TUBGCP4: variants seen among roughly 807,000 people sequenced by gnomAD.
The protein encoded by TUBGCP4 is gamma-tubulin complex component 4.
TUBGCP4 carries 54 observed loss-of-function variants against 91.6 expected under a neutral mutation model. That is an observed-to-expected ratio of 0.59 (90% confidence interval 0.47 to 0.74). The LOEUF (loss-of-function observed/expected upper bound fraction) is 0.74. TUBGCP4 is among the 30% of genes least tolerant of loss of function. TUBGCP4 has a pLI of 0.00. For synonymous variants in TUBGCP4, 297 were observed against 302.8 expected (o/e 0.98, Z 0.20); for missense variants, 593 against 800.9 (o/e 0.74, Z 3.13).
At chr15:43,376,267 G>A (rs2044203844) in intron 2 of TUBGCP4, 41 bp downstream of exon 2, 1 of 1,610,346 alleles carries the variant, frequency 6.2e-7, no homozygotes, top group Non-Finnish European at 8.5e-7. Flanking sequence ...CTAGAGGGCA[G>A]GAGCTATGTC....
In TUBGCP4 at chr15:43,376,230, G is replaced by A; in HGVS notation, c.207+4G>A. On this transcript the variant is annotated splice_donor_region_variant and intron_variant, in intron 2 of 17. Transcript: ENST00000564079. ...CACGGGCCATGTGCAACAGCAGGTG[G>A]GTCCTGTTCTCTGTGGGTGTACACC... is the stretch of plus-strand genomic sequence containing the variant. The A allele has an allele frequency of 1.5e-5, 24 of 1,613,800 alleles. No individual in the cohort carries two copies. The highest frequency in any genetic ancestry group is 2.0e-5 in the Non-Finnish European group (24 of 1,179,760).
chr15:43,392,111 CACACACACAT>C (rs765328973), intron 9 of TUBGCP4, among the ~76,000 whole-genome samples: 1 of 148,946 alleles, frequency 6.7e-6, no homozygotes, highest in East Asian at 1.9e-4. Context: ...CACACACACA[CACACACACAT>C]ATTTTTTTTT....
rs891315318 is a variant in TUBGCP4, at chr15:43,405,242, C to T, written c.*28C>T. On this transcript the variant is annotated 3_prime_UTR_variant, in exon 18 of 18. Coordinates refer to ENST00000564079, the MANE Select transcript of TUBGCP4 (RefSeq NM_014444.5). ...ATTTCTGGCTCATAAATTGAAATAACAGCCACGTTCCCAAGGTTGTAACAG... is the reference window on the plus strand; with the variant it reads ...ATTTCTGGCTCATAAATTGAAATAATAGCCACGTTCCCAAGGTTGTAACAG... The T allele has an allele frequency of 4.3e-6, 7 of 1,613,258 alleles. No individual in the cohort carries two copies. The highest frequency in any genetic ancestry group is 2.2e-5 in the East Asian group (1 of 44,884).
rs570897636 is a variant in TUBGCP4, at chr15:43,376,952, A to G, written c.331-62A>G. On this transcript the variant is annotated intron_variant, in intron 3 of 17. Transcript: ENST00000564079. ...ATCATGAGATTCTCTTCTCATTTTCATAGATCAAATAGATTTGAGATATTT... is the reference window on the plus strand; with the variant it reads ...ATCATGAGATTCTCTTCTCATTTTCGTAGATCAAATAGATTTGAGATATTT... The G allele has an allele frequency of 1.7e-5, 23 of 1,363,762 alleles. 1 individual carries two copies. The highest frequency in any genetic ancestry group is 2.4e-5 in the Non-Finnish European group (23 of 953,922). The allele number at this position is 1,363,762 out of a possible 1,614,324, so 84.5% of individuals were successfully genotyped here. A position where few individuals can be genotyped will look rare whatever the true frequency, so the allele number is the denominator to read the frequency against.
chr15:43,398,378 C>T lies in TUBGCP4; in HGVS notation c.1418+199C>T. 2 of 371,802 alleles carry T rather than the reference C, an allele frequency of 5.4e-6. 1 individual carries two copies. Among genetic ancestry groups the T allele is most frequent in the South Asian group, 1.8e-4 (2 of 10,850 alleles). The allele number at this position is 371,802 out of a possible 1,614,324, so 23.0% of individuals were successfully genotyped here. ...CTGGGCAACATAGTAAGACCCCCAT[C>T]TCATAAAAAAAAAAAAAAAAATTAA... On this transcript the variant is annotated intron_variant, in intron 13 of 17. Coordinates refer to ENST00000564079, the MANE Select transcript of TUBGCP4 (RefSeq NM_014444.5).
In TUBGCP4 at chr15:43,398,221, TTACTTG is replaced by T. The variant is rs543067077; in HGVS notation, c.1418+45_1418+50del. 2.5e-4 allele frequency: 397 copies of T among 1,589,054 alleles called. 2 individuals carry two copies. The African/African-American group carries it at 5.1e-3, about 20-fold the overall frequency. ...TTCTCACAGGTAAATATGACCCACCTTACTTGTAAGGGAAGAAACTAGCAGGAACAG... is the reference window on the plus strand; with the variant it reads ...TTCTCACAGGTAAATATGACCCACCTTAAGGGAAGAAACTAGCAGGAACAG... On this transcript the variant is annotated intron_variant, in intron 13 of 17. Coordinates refer to ENST00000564079, the MANE Select transcript of TUBGCP4 (RefSeq NM_014444.5).
intron 6 of TUBGCP4, among the ~76,000 whole-genome samples, chr15:43,382,749 A>G (rs1326836019): frequency 2.0e-5 from 3 of 152,130 alleles, no homozygotes; most frequent in Non-Finnish European, 4.4e-5. Flanking sequence ...CCCCTTTTTA[A>G]TTAATATGCT....
At position 43,406,515 on chromosome 15, in the gene TUBGCP4, T is replaced by C; in HGVS notation, c.*1301T>C. Reference sequence around the variant, plus strand: ...TGTTTACTCATTGTCTATGGTTGCTTTCATGCCCTCACAGCAAAGGCGAGT... The same window carrying C: ...TGTTTACTCATTGTCTATGGTTGCTCTCATGCCCTCACAGCAAAGGCGAGT... On this transcript the variant is annotated 3_prime_UTR_variant, in exon 18 of 18. Transcript: ENST00000564079. 1 of 449,368 alleles carries C rather than the reference T, an allele frequency of 2.2e-6. No homozygotes were observed. Among genetic ancestry groups the C allele is most frequent in the East Asian group, 7.0e-5 (1 of 14,362 alleles). The allele number at this position is 449,368 out of a possible 1,614,324, so 27.8% of individuals were successfully genotyped here.
At chr15:43,403,838 C>G (rs748586950) in intron 16 of TUBGCP4, 39 bp downstream of exon 16, 5 of 1,508,604 alleles carry the variant, frequency 3.3e-6, no homozygotes, top group Non-Finnish European at 4.6e-6. Context: ...GCCGAAAGGA[C>G]AGAGGTGGTT....
At chr15:43,395,253 G>A (rs930473316) in intron 10 of TUBGCP4, 96 bp downstream of exon 10, 2 of 1,339,444 alleles carry the variant, frequency 1.5e-6, no homozygotes, top group African/African-American at 2.9e-5. Context: ...CCTATACCCA[G>A]ACTTCCAGAG....
At chr15:43,401,381 T>C (rs1464319883) in intron 14 of TUBGCP4, among the ~76,000 whole-genome samples, 1 of 150,040 alleles carries the variant, frequency 6.7e-6, no homozygotes, top group Non-Finnish European at 1.5e-5. Flanking sequence ...AACCCTGGTA[T>C]GTGGAAGTTG....
chr15:43,386,725 C>CAAAAAAAA (rs10718458), intron 9 of TUBGCP4, among the ~76,000 whole-genome samples: 3 of 67,016 alleles, frequency 4.5e-5, no homozygotes, highest in Non-Finnish European at 8.7e-5. Flanking sequence ...ACTCTGTCTC[C>CAAAAAAAA]AAAAAAAAAA....
intron 5 of TUBGCP4, among the ~76,000 whole-genome samples, chr15:43,378,409 CTG>C (rs1424871670): frequency 6.6e-6 from 1 of 152,152 alleles, no homozygotes; most frequent in African/African-American, 2.4e-5. Context: ...GTTAATAAGT[CTG>C]AGGAATAAAT....
chr15:43,405,024 T>G, intron 17 of TUBGCP4, 178 bp from the exon 18 acceptor site: 3 of 650,486 alleles, frequency 4.6e-6, no homozygotes. Context: ...CATTGTCCTT[T>G]CTCTCTAAAA....
At position 43,409,759 on chromosome 15, in the gene TUBGCP4, A is replaced by G; in HGVS notation, c.*4545A>G. ...CAAAAATTCTATATTAAAAAAAAAA[A>G]CCAAGATAATAATTACTGAGTGGTT... On this transcript the variant is annotated 3_prime_UTR_variant, in exon 18 of 18. Coordinates refer to ENST00000564079, the MANE Select transcript of TUBGCP4 (RefSeq NM_014444.5). 8.6e-7 allele frequency: 1 copy of G among 1,167,852 alleles called. No homozygotes were observed. Among genetic ancestry groups the G allele is most frequent in the Admixed American group, 2.4e-5 (1 of 42,180 alleles). The allele number at this position is 1,167,852 out of a possible 1,614,324, so 72.3% of individuals were successfully genotyped here.
At chr15:43,397,470 G>A in intron 12 of TUBGCP4, 149 bp downstream of exon 12, 1 of 656,528 alleles carries the variant, frequency 1.5e-6, no homozygotes. Flanking sequence ...AGAAGAAAAG[G>A]AAAGTCCAGA....
At chr15:43,388,465 C>G (rs1004775906) in intron 9 of TUBGCP4, among the ~76,000 whole-genome samples, 4 of 152,204 alleles carry the variant, frequency 2.6e-5, no homozygotes, top group African/African-American at 9.6e-5. Context: ...ACCCATGTTC[C>G]TGTCCTTTCA....
chr15:43,385,902 G>T lies in TUBGCP4; in HGVS notation c.835G>T (p.Val279Phe). 1 of 1,614,086 alleles carries T rather than the reference G, an allele frequency of 6.2e-7. No individual in the cohort carries two copies. Among genetic ancestry groups the T allele is most frequent in the Non-Finnish European group, 8.5e-7 (1 of 1,180,018 alleles). The change falls in exon 8 of 18, where the codon GTT (valine) becomes TTT (phenylalanine). Residue 279 changes from valine (V) to phenylalanine (F), a missense_variant. By Grantham distance (50) the Val-to-Phe change is conservative. Coordinates refer to ENST00000564079, the MANE Select transcript of TUBGCP4 (RefSeq NM_014444.5). Reference sequence around the variant, plus strand: ...GAGGGTTGCTGAAAAAATCCTATTTGTTGGAGAATCTGTCCAGATGTTTGA... The same window carrying T: ...GAGGGTTGCTGAAAAAATCCTATTTTTTGGAGAATCTGTCCAGATGTTTGA... ...PVRVAEKILF[V>F]GESVQMFENQ...
In TUBGCP4 at chr15:43,409,126, T is replaced by A; in HGVS notation, c.*3912T>A. 6.2e-7 allele frequency: 1 copy of A among 1,608,482 alleles called. No individual in the cohort carries two copies. The highest frequency in any genetic ancestry group is 8.5e-7 in the Non-Finnish European group (1 of 1,175,366). On this transcript the variant is annotated 3_prime_UTR_variant, in exon 18 of 18. Coordinates refer to ENST00000564079, the MANE Select transcript of TUBGCP4 (RefSeq NM_014444.5). The stretch of plus-strand genomic sequence containing the variant: ...AAGAAAAGAAGCAGAGCCAATGGGT[T>A]TGGTGACTTCTGTGGAAAGCTCCTA...
Sources: gnomAD v4.1 joint callset for allele counts (sites outside exome capture counted in the v4.1 genomes callset) on GRCh38, gnomAD v4.1.1 for gene constraint, MANE v1.5 for transcripts, NCBI Gene and HGNC (gene_info 2026-07-23, HGNC 2026-07-21) for gene names.